The following USPL1 variants were observed in gnomAD, a reference collection of about 807,000 sequenced individuals.
USPL1 encodes the protein ubiquitin specific peptidase like 1.
A neutral mutation model predicts 51.5 loss-of-function variants in USPL1; 27 were observed. The ratio of observed to expected loss-of-function variants is 0.52; its 90% CI spans 0.39 to 0.72. USPL1 has a LOEUF of 0.72. Among genes scored for constraint, USPL1 ranks in the 30% least tolerant of loss-of-function variants. The pLI is 0.00. For synonymous variants in USPL1, 451 were observed against 459.6 expected, an observed-to-expected ratio of 0.98 and a Z score of 0.24; for missense variants, 1,226 against 1,268.0, an observed-to-expected ratio of 0.97 and a Z score of 0.50.
chr13:30,655,646 C>T (rs965464765), intron 8 of USPL1, among the ~76,000 whole-genome samples: 9 of 152,072 alleles, frequency 5.9e-5, no homozygotes, highest in African/African-American at 7.3e-5. Flanking sequence ...AGAAACTGAG[C>T]GCACTTTCAA....
In USPL1 at chr13:30,631,300, G is replaced by C. The variant is rs1950801911; in HGVS notation, c.694G>C (p.Ala232Pro). 6.2e-7 allele frequency: 1 copy of C among 1,614,040 alleles called. No homozygotes were observed. The highest frequency in any genetic ancestry group is 8.5e-7 in the Non-Finnish European group (1 of 1,180,020). ...GGCTTTATGTGTCCAGTGGAAAAAT[G>C]CTTATGCTCTCTGTTGGTTAGACTG... ...PQALCVQWKN[A>P]YALCWLDCIL... is the part of the protein sequence containing the mutation. The change falls in exon 4 of 9, where the codon GCT becomes CCT. Residue 232 changes from alanine (A) to proline (P), a missense_variant. Ala to Pro is a conservative substitution (Grantham distance 27). Coordinates refer to ENST00000255304, the MANE Select transcript of USPL1 (RefSeq NM_005800.5).
chr13:30,624,207 G>T (rs749802074), intron 3 of USPL1, among the ~76,000 whole-genome samples: 25 of 152,144 alleles, frequency 1.6e-4, no homozygotes, highest in Non-Finnish European at 2.9e-4. Context: ...CTGGAGAATT[G>T]CTTGGTGTGG....
At chr13:30,620,133 T>G (rs1199149767) in intron 1 of USPL1, among the ~76,000 whole-genome samples, 1 of 152,358 alleles carries the variant, frequency 6.6e-6, no homozygotes, top group East Asian at 1.9e-4. Context: ...TTGAAAGGTT[T>G]GTGAAGTTTA....
Position 30,632,169 on chromosome 13 carries a change from T to C in USPL1, c.868+695T>C, listed in dbSNP as rs572473742. Among the ~76,000 whole-genome samples, 79 of 152,172 alleles carry C rather than the reference T, an allele frequency of 5.2e-4. No individual in the cohort carries two copies. The South Asian group carries it at 9.5e-3, about 18-fold the overall frequency. On this transcript the variant is annotated intron_variant, in intron 4 of 8. Coordinates refer to ENST00000255304, the MANE Select transcript of USPL1 (RefSeq NM_005800.5). The stretch of plus-strand genomic sequence containing the variant: ...TGTGATGTTCCCCTCCCTGTGTCCA[T>C]GTGTTCTCATTGTTCAACTGTCACT...
intron 3 of USPL1, among the ~76,000 whole-genome samples, chr13:30,623,000 A>T (rs1950664256): frequency 1.3e-5 from 2 of 152,136 alleles, no homozygotes; most frequent in African/African-American, 2.4e-5. Context: ...GTTATGTCAT[A>T]GAGTGGGAAA....
rs527972719 is a variant in USPL1 at position 30,622,662 on chromosome 13, C to T, written c.228+770C>T. Among the ~76,000 whole-genome samples, 5 of 152,246 alleles carry T rather than the reference C, an allele frequency of 3.3e-5. No homozygotes were observed. In the South Asian group the frequency reaches 1.0e-3, roughly 32 times the overall value. ...AAAAATTAGCAGTTCATCAGAATTA[C>T]CTGGAGTGCTTTTAATAAATTTCTG... On this transcript the variant is annotated intron_variant, in intron 3 of 8. Coordinates refer to ENST00000255304, the MANE Select transcript of USPL1 (RefSeq NM_005800.5).
chr13:30,649,787 CT>C (rs1457168555), intron 7 of USPL1, among the ~76,000 whole-genome samples: 1 of 152,176 alleles, frequency 6.6e-6, no homozygotes, highest in African/African-American at 2.4e-5. Context: ...TTTCTATTTT[CT>C]TTTCTTTTCC....
Position 30,659,272 on chromosome 13 carries a change from T to G in USPL1, c.3195T>G (p.Phe1065Leu), listed in dbSNP as rs769219013. Residue 1065 changes from phenylalanine to leucine, a missense_variant, in exon 9 of 9, where the codon TTT (phenylalanine) becomes TTG (leucine). Coordinates refer to ENST00000255304, the MANE Select transcript of USPL1 (RefSeq NM_005800.5). ...TGAAGACTGATATTTTCGATGAGTT[T>G]TTTTCCTCCTCAGCATTAAATGCTT... ...SPMKTDIFDE[F>L]FSSSALNALA... is the part of the protein sequence containing the mutation. The G allele has an allele frequency of 6.2e-7, 1 of 1,614,162 alleles. No individual in the cohort carries two copies. Among genetic ancestry groups the G allele is most frequent in the Non-Finnish European group, 8.5e-7 (1 of 1,180,026 alleles).
intron 3 of USPL1, among the ~76,000 whole-genome samples, chr13:30,629,681 C>A (rs896645978): frequency 6.6e-6 from 1 of 152,096 alleles, no homozygotes; most frequent in Non-Finnish European, 1.5e-5. Flanking sequence ...GAGGTTCTCT[C>A]CATGAGGCCA....
chr13:30,621,924 G>T (rs763884144), intron 3 of USPL1, 32 bp downstream of exon 3: 7 of 1,341,364 alleles, frequency 5.2e-6, no homozygotes, highest in Admixed American at 2.9e-5. Flanking sequence ...GTATATATAA[G>T]ATTTTTCTTT....
chr13:30,641,639 C>T (rs1950948393), intron 5 of USPL1, among the ~76,000 whole-genome samples: 1 of 152,160 alleles, frequency 6.6e-6, no homozygotes, highest in Non-Finnish European at 1.5e-5. Flanking sequence ...AGCTGGAAGC[C>T]AGCATTCACT....
intron 6 of USPL1, among the ~76,000 whole-genome samples, chr13:30,644,056 G>A (rs1018068982): frequency 4.6e-5 from 7 of 151,902 alleles, no homozygotes; most frequent in Admixed American, 6.6e-5. Context: ...AGGCCGAGGC[G>A]GGTGGATCAC....
Position 30,658,775 on chromosome 13 carries a change from A to G in USPL1, c.2698A>G (p.Lys900Glu). 1 of 1,614,172 alleles carries G rather than the reference A, an allele frequency of 6.2e-7. No individual in the cohort carries two copies. The highest frequency in any genetic ancestry group is 2.2e-5 in the East Asian group (1 of 44,884). ...LKLRKKLKAE[K>E]KKLAALMSSP... ...ACTTCGTAAAAAGCTAAAGGCAGAAAAGAAGAAATTAGCTGCTCTTATGTC... is the reference window on the plus strand; with the variant it reads ...ACTTCGTAAAAAGCTAAAGGCAGAAGAGAAGAAATTAGCTGCTCTTATGTC... The change falls in exon 9 of 9, where the codon AAG (lysine) becomes GAG (glutamate). Residue 900 changes from lysine to glutamate, a missense_variant. By Grantham distance (56) the Lys-to-Glu change is moderately conservative. Coordinates refer to ENST00000255304, the MANE Select transcript of USPL1 (RefSeq NM_005800.5).
At chr13:30,645,406 T>C (rs1448946627) in intron 6 of USPL1, among the ~76,000 whole-genome samples, 1 of 152,222 alleles carries the variant, frequency 6.6e-6, no homozygotes, top group Non-Finnish European at 1.5e-5. Context: ...TGCTTAACGT[T>C]AGCTTTGAAT....
chr13:30,637,487 G>C (rs574795262), intron 4 of USPL1, among the ~76,000 whole-genome samples: 1 of 152,230 alleles, frequency 6.6e-6, no homozygotes, highest in South Asian at 2.1e-4. Context: ...TATTTTACTA[G>C]ACCTGTGATT....
intron 4 of USPL1, among the ~76,000 whole-genome samples, chr13:30,633,384 C>T (rs1252149688): frequency 1.3e-5 from 2 of 152,014 alleles, no homozygotes; most frequent in Non-Finnish European, 2.9e-5. Flanking sequence ...GAAGGTATCC[C>T]TCTCAGATAA....
At chr13:30,633,316 C>G (rs6650243) in intron 4 of USPL1, among the ~76,000 whole-genome samples, 2 of 152,174 alleles carry the variant, frequency 1.3e-5, no homozygotes, top group African/African-American at 4.8e-5. Context: ...TAGGAAAAAG[C>G]ATAATATATA....
At chr13:30,623,559 A>C (rs977936487) in intron 3 of USPL1, among the ~76,000 whole-genome samples, 1 of 150,676 alleles carries the variant, frequency 6.6e-6, no homozygotes, top group Admixed American at 6.6e-5. Context: ...TACAGAGCTA[A>C]AAGTCTTGGA....
chr13:30,634,902 C>T (rs1378157806), intron 4 of USPL1, among the ~76,000 whole-genome samples: 2 of 152,180 alleles, frequency 1.3e-5, no homozygotes, highest in Non-Finnish European at 2.9e-5. Context: ...ATAAAATGGT[C>T]TGTGATCTTG....
Sources: gnomAD v4.1 joint callset for allele counts (sites outside exome capture counted in the v4.1 genomes callset) on GRCh38, gnomAD v4.1.1 for gene constraint, MANE v1.5 for transcripts, NCBI Gene and HGNC (gene_info 2026-07-23, HGNC 2026-07-21) for gene names.